RTN1: variants seen among roughly 807,000 people sequenced by gnomAD.
RTN1 encodes reticulon-1.
A neutral mutation model predicts 65.5 loss-of-function variants in RTN1; 25 were observed. The ratio of observed to expected loss-of-function variants is 0.38; its 90% CI spans 0.28 to 0.53. The LOEUF (loss-of-function observed/expected upper bound fraction) is 0.53. Among genes scored for constraint, RTN1 ranks in the 20% least tolerant of loss-of-function variants. RTN1 has a pLI of 0.79. For synonymous variants in RTN1, 471 were observed against 447.6 expected (o/e 1.05, Z -0.66); for missense variants, 983 against 1,025.4 (o/e 0.96, Z 0.57).
rs541292149 is a variant in RTN1 at position 59,727,188 on chromosome 14, C to A, written c.1496G>T (p.Arg499Leu). ...CTCGGCCCGGACGCCAGTCTCCTCC[C>A]GGATGGCATCCAGGGCGCTGGGCTT... ...PMKPSALDAI[R>L]EETGVRAEER... Residue 499 changes from arginine to leucine, a missense_variant, in exon 3 of 9, where the codon CGG becomes CTG. Physicochemically the swap from Arg to Leu is moderately radical, Grantham distance 102. Around this residue, in one of 2 missense-constraint regions of RTN1, gnomAD observed 818 missense variants for 801.8 expected, o/e 1.02. Coordinates refer to ENST00000267484, the MANE Select transcript of RTN1 (RefSeq NM_021136.3). The surrounding 1 kb of genome is among the most constrained non-coding windows in gnomAD (Gnocchi z 4.2). 1.3e-6 allele frequency: 2 copies of A among 1,586,340 alleles called. No individual in the cohort carries two copies. Among genetic ancestry groups the A allele is most frequent in the Non-Finnish European group, 1.7e-6 (2 of 1,166,412 alleles).
chr14:59,867,231 T>C (rs555388092), intron 1 of RTN1, among the ~76,000 whole-genome samples: 42 of 152,360 alleles, frequency 2.8e-4, no homozygotes, highest in African/African-American at 8.2e-4. Context: ...TGTTATTGTA[T>C]GCTCCTTTTG....
Position 59,870,457 on chromosome 14 carries a change from C to A in RTN1, c.174G>T (p.Ala58=). ...GGCCCGAGCCGGCTTCCCGCGACGC[C>A]GCTTCCCGGGCCCTGGCGCCCAACC... The part of the protein sequence containing the change: ...SPGLGARARE[A]ASREAGSGPA... The change falls in exon 1 of 9, where the codon GCG becomes GCT. Residue 58 remains alanine (A), a synonymous_variant. Coordinates refer to ENST00000267484, the MANE Select transcript of RTN1 (RefSeq NM_021136.3). The surrounding 1 kb of genome is among the most constrained non-coding windows in gnomAD (Gnocchi z 5.1). 3 of 1,496,414 alleles carry A rather than the reference C, an allele frequency of 2.0e-6. No individual in the cohort carries two copies. The highest frequency in any genetic ancestry group is 1.4e-5 in the African/African-American group (1 of 69,614). The allele number at this position is 1,496,414 out of a possible 1,614,324, so 92.7% of individuals were successfully genotyped here. A position where few individuals can be genotyped will look rare whatever the true frequency, so the allele number is the denominator to read the frequency against.
chr14:59,635,066 A>G (rs906945837), intron 3 of RTN1, among the ~76,000 whole-genome samples: 1 of 152,226 alleles, frequency 6.6e-6, no homozygotes, highest in African/African-American at 2.4e-5. Context: ...ATGACAGTCA[A>G]TCAGCCCTTA....
intron 3 of RTN1, among the ~76,000 whole-genome samples, chr14:59,608,124 G>T (rs936371714): frequency 6.6e-6 from 1 of 152,014 alleles, no homozygotes; most frequent in African/African-American, 2.4e-5. Flanking sequence ...ATGCAAAATG[G>T]AAATACTTTA....
At position 59,726,964 on chromosome 14, in the gene RTN1, C is replaced by A. The variant is rs771368322; in HGVS notation, c.1720G>T (p.Gly574Cys). 2.5e-6 allele frequency: 4 copies of A among 1,613,320 alleles called. No homozygotes were observed. The highest frequency in any genetic ancestry group is 3.4e-6 in the Non-Finnish European group (4 of 1,179,756). The change falls in exon 3 of 9, where the codon GGT (glycine) becomes TGT (cysteine). Residue 574 changes from glycine (G) to cysteine (C), a missense_variant. By Grantham distance (159) the Gly-to-Cys change is radical (BLOSUM62 -3). Coordinates refer to ENST00000267484, the MANE Select transcript of RTN1 (RefSeq NM_021136.3). Reference protein sequence around the residue: ...PAATKGPGPLGPGAPPPLLFL... With the variant: ...PAATKGPGPLCPGAPPPLLFL... ...AGCAGTGGGGGCGGGGCGCCAGGAC[C>A]TAGAGGCCCAGGGCCCTTTGTGGCC...
intron 3 of RTN1, among the ~76,000 whole-genome samples, chr14:59,653,637 G>A (rs1234453207): frequency 6.6e-6 from 1 of 151,466 alleles, no homozygotes; most frequent in Non-Finnish European, 1.5e-5. Flanking sequence ...TAAAGCAATA[G>A]TCATATGACT....
intron 3 of RTN1, among the ~76,000 whole-genome samples, chr14:59,629,685 A>T (rs1882491060): frequency 6.6e-6 from 1 of 152,242 alleles, no homozygotes; most frequent in Non-Finnish European, 1.5e-5. Context: ...CTGAATAAAA[A>T]TGGCTGAAAA....
intron 1 of RTN1, among the ~76,000 whole-genome samples, chr14:59,773,975 C>A (rs534516973): frequency 6.6e-6 from 1 of 152,278 alleles, no homozygotes; most frequent in East Asian, 1.9e-4. Context: ...GCCTTCTTTT[C>A]TCTCTTTCAT....
chr14:59,745,950 G>A lies in RTN1; in HGVS notation c.773C>T (p.Ser258Phe). 6.2e-7 allele frequency: 1 copy of A among 1,614,134 alleles called. No homozygotes were observed. The highest frequency in any genetic ancestry group is 1.1e-5 in the South Asian group (1 of 91,076). ...ATCATCTATGTATGGAGCAAATGTG[G>A]ATTCTTCCAATAAATGGTCCTTGAT... ...KIIKDHLLEE[S>F]TFAPYIDDLS... The change falls in exon 2 of 9, where the codon TCC becomes TTC. Residue 258 changes from serine to phenylalanine, a missense_variant. Around this residue, in one of 2 missense-constraint regions of RTN1, gnomAD observed 818 missense variants for 801.8 expected, o/e 1.02. Coordinates refer to ENST00000267484, the MANE Select transcript of RTN1 (RefSeq NM_021136.3).
intron 1 of RTN1, among the ~76,000 whole-genome samples, chr14:59,861,722 G>A (rs1438020419): frequency 6.6e-6 from 1 of 152,186 alleles, no homozygotes; most frequent in Admixed American, 6.5e-5. Context: ...ATTTTGCTCT[G>A]TGAAATCAGC....
intron 3 of RTN1, among the ~76,000 whole-genome samples, chr14:59,726,642 G>A (rs1304535809): frequency 6.6e-6 from 1 of 152,216 alleles, no homozygotes; most frequent in Admixed American, 6.5e-5. Flanking sequence ...ACTCCATTTA[G>A]GAGATCCTGG....
At chr14:59,679,058 G>A (rs1883688600) in intron 3 of RTN1, among the ~76,000 whole-genome samples, 1 of 152,192 alleles carries the variant, frequency 6.6e-6, no homozygotes, top group Non-Finnish European at 1.5e-5. Flanking sequence ...CAGAGTGACA[G>A]ATTGGATTGT....
intron 1 of RTN1, among the ~76,000 whole-genome samples, chr14:59,831,415 A>G (rs1566741406): frequency 6.6e-6 from 1 of 152,084 alleles, no homozygotes; most frequent in Non-Finnish European, 1.5e-5. Context: ...TGGCTTTTTC[A>G]TGCCTGTGGA....
chr14:59,717,088 C>T (rs182794494), intron 3 of RTN1, among the ~76,000 whole-genome samples: 1 of 152,052 alleles, frequency 6.6e-6, no homozygotes, highest in Non-Finnish European at 1.5e-5. Context: ...ACAAAAGCAT[C>T]TTTCTGCTTT....
intron 8 of RTN1, among the ~76,000 whole-genome samples, chr14:59,598,591 G>T (rs566567293): frequency 4.6e-5 from 7 of 152,268 alleles, no homozygotes; most frequent in African/African-American, 1.7e-4. Context: ...CAGAGGACAT[G>T]TGCAATGGTG....
chr14:59,771,464 G>A (rs1249910907), intron 1 of RTN1, among the ~76,000 whole-genome samples: 3 of 152,166 alleles, frequency 2.0e-5, no homozygotes, highest in Non-Finnish European at 4.4e-5. Context: ...GTACCACAGA[G>A]GTATGTGAAT....
chr14:59,763,437 T>C (rs1261933168), intron 1 of RTN1, among the ~76,000 whole-genome samples: 1 of 152,228 alleles, frequency 6.6e-6, no homozygotes, highest in Non-Finnish European at 1.5e-5. Context: ...TTTTCTTCTT[T>C]CTTTTCTTTT....
At chr14:59,834,605 T>C (rs1887182953) in intron 1 of RTN1, among the ~76,000 whole-genome samples, 1 of 152,122 alleles carries the variant, frequency 6.6e-6, no homozygotes, top group African/African-American at 2.4e-5. Flanking sequence ...ATATATGGCA[T>C]TTGTAGCACA....
At chr14:59,760,945 T>C (rs571973326) in intron 1 of RTN1, among the ~76,000 whole-genome samples, 3 of 152,322 alleles carry the variant, frequency 2.0e-5, no homozygotes, top group East Asian at 1.9e-4. Context: ...ACAATAATGA[T>C]ACAGAGGGGC....
Sources: gnomAD v4.1 joint callset for allele counts (sites outside exome capture counted in the v4.1 genomes callset) on GRCh38, gnomAD v4.1.1 for gene constraint, gnomAD v4.1.1 regional missense constraint, Gnocchi (gnomAD v3.1) non-coding constraint, MANE v1.5 for transcripts, NCBI Gene and HGNC (gene_info 2026-07-23, HGNC 2026-07-21) for gene names.